MYO7A: variants seen among roughly 807,000 people sequenced by gnomAD.
MYO7A encodes unconventional myosin-VIIa.
Under a neutral mutation model 263.8 loss-of-function variants are expected in MYO7A, and 210 were observed. The observed-to-expected ratio is 0.80, with a 90% confidence interval of 0.71 to 0.89. The LOEUF is 0.89. Among genes scored for constraint, MYO7A ranks in the 40% least tolerant of loss-of-function variants. MYO7A has a pLI of 0.00. For missense variants in MYO7A, 2,820 were observed against 2,968.3 expected, an observed-to-expected ratio of 0.95 and a Z score of 1.16; for synonymous variants, 1,239 against 1,197.3, an observed-to-expected ratio of 1.03 and a Z score of -0.72.
chr11:77,200,969 T>C (rs1017492375), intron 35 of MYO7A, among the ~76,000 whole-genome samples: 4 of 151,952 alleles, frequency 2.6e-5, no homozygotes, highest in Admixed American at 2.6e-4. Context: ...GACAGGCCTG[T>C]GACAGTGCAG....
rs373108550 is a variant in MYO7A at position 77,162,969 on chromosome 11, C to T, written c.1671C>T (p.Ile557=). ...TQFGINHFAG[I]VYYETQGFLE... is the part of the protein sequence containing the mutation. ...TTGGCATCAACCATTTTGCAGGCAT[C>T]GTCTACTATGAGACCCAAGGTACAG... The change falls in exon 14 of 49, where the codon ATC becomes ATT. Residue 557 remains isoleucine (I), a synonymous_variant. Coordinates refer to ENST00000409709, the MANE Select transcript of MYO7A (RefSeq NM_000260.4). 1.6e-5 allele frequency: 26 copies of T among 1,613,798 alleles called. No homozygotes were observed. The highest frequency in any genetic ancestry group is 3.3e-5 in the Admixed American group (2 of 59,984).
At chr11:77,133,505 C>T (rs1950825706) in intron 2 of MYO7A, among the ~76,000 whole-genome samples, 2 of 152,320 alleles carry the variant, frequency 1.3e-5, no homozygotes, top group South Asian at 4.1e-4. Flanking sequence ...GACTTAACAT[C>T]TATGTCTGAT....
At chr11:77,153,249 T>G (rs1555058295) in intron 4 of MYO7A, among the ~76,000 whole-genome samples, 1 of 151,276 alleles carries the variant, frequency 6.6e-6, no homozygotes, top group African/African-American at 2.4e-5. Context: ...GTGGGAGTGG[T>G]GTGAGGGAGG....
chr11:77,189,976 A>G, intron 28 of MYO7A, 44 bp from the exon 29 acceptor site: 1 of 1,479,214 alleles, frequency 6.8e-7, no homozygotes, highest in Non-Finnish European at 9.0e-7. Context: ...CAAAATCCAC[A>G]TGGGGAGCCC....
At chr11:77,173,205 C>T (rs532895395) in intron 16 of MYO7A, among the ~76,000 whole-genome samples, 227 of 152,336 alleles carry the variant, frequency 1.5e-3, no homozygotes, top group Non-Finnish European at 2.7e-3. Context: ...ACCGTATCTA[C>T]CTCCTAAGGC....
intron 2 of MYO7A, chr11:77,142,410 T>C (rs1951267199): frequency 2.2e-6 from 1 of 462,324 alleles, no homozygotes; most frequent in African/African-American, 2.0e-5. Flanking sequence ...ACATGTAGGG[T>C]GTAGATCCAT....
chr11:77,205,431 C>T lies in MYO7A; in HGVS notation c.5481-31C>T, dbSNP rs377050487. The T allele has an allele frequency of 2.5e-5, 38 of 1,546,942 alleles. 1 individual carries two copies. The South Asian group carries it at 3.9e-4, about 16-fold the overall frequency. ...GTCCTGTGACTCCCGATGGCAGCTG[C>T]CCCTGCTGGAGCCCACGCCTCCTCC... On this transcript the variant is annotated intron_variant, in intron 39 of 48. Transcript: ENST00000409709.
At chr11:77,146,196 T>C (rs1951553774) in intron 3 of MYO7A, among the ~76,000 whole-genome samples, 1 of 152,064 alleles carries the variant, frequency 6.6e-6, no homozygotes, top group Non-Finnish European at 1.5e-5. Flanking sequence ...ACAGAGGCCT[T>C]TGGGGACATG....
intron 39 of MYO7A, among the ~76,000 whole-genome samples, chr11:77,205,139 A>G (rs1957356086): frequency 6.6e-6 from 1 of 152,182 alleles, no homozygotes; most frequent in South Asian, 2.1e-4. Context: ...AAACAAACAA[A>G]AAGCCTCAGC....
chr11:77,144,550 A>C (rs79080159), intron 3 of MYO7A, among the ~76,000 whole-genome samples: 4,792 of 152,164 alleles, frequency 0.031, 138 homozygotes, highest in South Asian at 0.12. Flanking sequence ...CATCTGTGGC[A>C]TTGGACCCCC....
intron 47 of MYO7A, among the ~76,000 whole-genome samples, chr11:77,213,421 C>T (rs374329939): frequency 1.4e-3 from 213 of 152,332 alleles, no homozygotes; most frequent in Non-Finnish European, 2.4e-3. Flanking sequence ...GAAGAGGGCT[C>T]GTGACCACCA....
At chr11:77,164,835 T>C (rs1025399303) in intron 14 of MYO7A, among the ~76,000 whole-genome samples, 1 of 152,202 alleles carries the variant, frequency 6.6e-6, no homozygotes, top group Non-Finnish European at 1.5e-5. Context: ...TCTACCTTAA[T>C]AGAATTGGTA....
intron 4 of MYO7A, 26 bp downstream of exon 4, chr11:77,147,976 G>A (rs1230119004): frequency 1.6e-5 from 24 of 1,503,996 alleles, no homozygotes; most frequent in East Asian, 2.6e-5. Context: ...CCCGGTGCCC[G>A]TCCAGGCCCC....
chr11:77,198,761 C>A, intron 34 of MYO7A, 140 bp downstream of exon 34: 1 of 1,313,132 alleles, frequency 7.6e-7, no homozygotes, highest in Non-Finnish European at 1.0e-6. Context: ...CCGCACTGTG[C>A]AGACCCCTCT....
chr11:77,165,973 A>G, intron 14 of MYO7A, 83 bp from the exon 15 acceptor site: 2 of 969,776 alleles, frequency 2.1e-6, no homozygotes, highest in Admixed American at 2.0e-5. Flanking sequence ...GTGGATTTTG[A>G]GGGTCCTCCT....
At chr11:77,197,357 G>A (rs1273256267) in intron 32 of MYO7A, 124 bp from the exon 33 acceptor site, 7 of 687,822 alleles carry the variant, frequency 1.0e-5, no homozygotes, top group Non-Finnish European at 1.7e-5. Flanking sequence ...GCAGGGCAAG[G>A]CCACGATGCA....
chr11:77,160,083 C>T, intron 10 of MYO7A, 80 bp from the exon 11 acceptor site: 3 of 1,506,538 alleles, frequency 2.0e-6, no homozygotes, highest in Non-Finnish European at 2.7e-6. Flanking sequence ...CAGGCCAGTG[C>T]CGGAAAGTGG....
intron 15 of MYO7A, among the ~76,000 whole-genome samples, chr11:77,168,262 C>CT (rs1232694507): frequency 6.6e-6 from 1 of 152,192 alleles, no homozygotes; most frequent in Non-Finnish European, 1.5e-5. Context: ...AACCCACTTA[C>CT]TGAGAAATCA....
Position 77,193,594 on chromosome 11 carries a change from G to T in MYO7A, c.4153-760G>T, listed in dbSNP as rs927783452. On this transcript the variant is annotated intron_variant, in intron 31 of 48. Transcript: ENST00000409709. ...GGTGATAGTGGTGATGATAATGGTG[G>T]TATTGGTGGTAAGCAAATATTCAGG... 1.2e-4 allele frequency among the ~76,000 whole-genome samples: 18 copies of T among 152,060 alleles called. No individual in the cohort carries two copies. The East Asian group carries it at 3.5e-3, about 29-fold the overall frequency.
Sources: gnomAD v4.1 joint callset for allele counts (sites outside exome capture counted in the v4.1 genomes callset) on GRCh38, gnomAD v4.1.1 for gene constraint, MANE v1.5 for transcripts, NCBI Gene and HGNC (gene_info 2026-07-23, HGNC 2026-07-21) for gene names.